TENM2: variants seen among roughly 807,000 people sequenced by gnomAD.
TENM2 encodes the protein teneurin-2.
In TENM2, 52 loss-of-function variants were observed where a neutral mutation model predicts 245.2. That is an observed-to-expected ratio of 0.21 (90% confidence interval 0.17 to 0.27). TENM2 has a LOEUF of 0.27. TENM2 is among the 10% of genes least tolerant of loss of function. The pLI is 1.00. For missense variants in TENM2, 3,046 were observed against 3,666.8 expected (o/e 0.83, Z 4.37); for synonymous variants, 1,363 against 1,438.9 (o/e 0.95, Z 1.19).
intron 2 of TENM2, among the ~76,000 whole-genome samples, chr5:167,460,427 A>C (rs1003667962): frequency 1.3e-5 from 2 of 152,110 alleles, no homozygotes; most frequent in Non-Finnish European, 2.9e-5. Flanking sequence ...AATATTTTGA[A>C]TTGAGATGGG....
At chr5:167,610,358 T>C (rs1276700239) in intron 2 of TENM2, among the ~76,000 whole-genome samples, 6 of 152,132 alleles carry the variant, frequency 3.9e-5, no homozygotes, top group Non-Finnish European at 7.4e-5. Context: ...TTGGCCATTG[T>C]TGACCGACTC....
chr5:168,090,629 C>T (rs1792860658), exon 8 of TENM2: 6 of 1,613,040 alleles, frequency 3.7e-6, no homozygotes, highest in Non-Finnish European at 5.1e-6. Context: ...GTTGAGTCTC[C>T]CAGGGAACGC....
intron 7 of TENM2, among the ~76,000 whole-genome samples, chr5:168,081,587 T>A (rs1236321430): frequency 6.6e-6 from 1 of 152,214 alleles, no homozygotes; most frequent in Non-Finnish European, 1.5e-5. Context: ...CCTTTCCATG[T>A]TTAGTGCTTC....
At chr5:167,708,451 A>G (rs751659591) in intron 2 of TENM2, among the ~76,000 whole-genome samples, 4 of 152,140 alleles carry the variant, frequency 2.6e-5, no homozygotes, top group African/African-American at 4.8e-5. Context: ...CTGGACTACA[A>G]TTTCATCCTC....
intron 2 of TENM2, among the ~76,000 whole-genome samples, chr5:167,630,338 C>T (rs1778786164): frequency 6.6e-6 from 1 of 152,094 alleles, no homozygotes; most frequent in African/African-American, 2.4e-5. Flanking sequence ...TACTACCTGA[C>T]AGATGGGTGG....
intron 2 of TENM2, among the ~76,000 whole-genome samples, chr5:167,512,304 A>G (rs1308031737): frequency 6.6e-6 from 1 of 152,170 alleles, no homozygotes; most frequent in Non-Finnish European, 1.5e-5. Flanking sequence ...TTAGTCACTA[A>G]AAGAATTTGG....
chr5:167,292,526 G>A (rs1466788602), intron 1 of TENM2, among the ~76,000 whole-genome samples: 5 of 151,982 alleles, frequency 3.3e-5, no homozygotes, highest in South Asian at 2.1e-4. Context: ...CATTTCAATC[G>A]CCTCCTTCCC....
the TENM2 span, among the ~76,000 whole-genome samples, chr5:167,215,501 G>C: frequency 6.6e-6 from 1 of 152,178 alleles, no homozygotes; most frequent in Non-Finnish European, 1.5e-5. Flanking sequence ...AAAGAGGCAG[G>C]GAGCTCCCAG....
intron 12 of TENM2, among the ~76,000 whole-genome samples, chr5:168,153,932 G>A (rs1736007534): frequency 6.6e-6 from 1 of 152,028 alleles, no homozygotes; most frequent in South Asian, 2.1e-4. Context: ...TAGCAACACG[G>A]TGCTATTCAC....
chr5:167,177,370 G>C, the TENM2 span, among the ~76,000 whole-genome samples: 1 of 152,162 alleles, frequency 6.6e-6, no homozygotes, highest in Non-Finnish European at 1.5e-5. Flanking sequence ...TGACAATGCA[G>C]AAGGCCAGTT....
At chr5:167,165,453 C>G in the TENM2 span, 1 of 152,126 alleles carries the variant, frequency 6.6e-6, no homozygotes, top group Non-Finnish European at 1.5e-5. Flanking sequence ...TACACACGCT[C>G]CATTGGCTGA....
At chr5:167,318,421 G>A (rs902198349) in intron 1 of TENM2, among the ~76,000 whole-genome samples, 3 of 151,114 alleles carry the variant, frequency 2.0e-5, no homozygotes, top group African/African-American at 7.3e-5. Context: ...AATAGATGAA[G>A]TTGTTCATTT....
chr5:167,156,703 C>T, the TENM2 span, among the ~76,000 whole-genome samples: 15 of 152,092 alleles, frequency 9.9e-5, no homozygotes, highest in African/African-American at 2.4e-4. Flanking sequence ...GCCCTCACAC[C>T]GCACACTGAG....
chr5:167,060,953 CCCCAGACTT>C, the TENM2 span, among the ~76,000 whole-genome samples: 3 of 151,950 alleles, frequency 2.0e-5, no homozygotes, highest in Non-Finnish European at 2.9e-5. Flanking sequence ...CTGGTCTTTT[CCCCAGACTT>C]ACAGAATTAG....
intron 9 of TENM2, among the ~76,000 whole-genome samples, chr5:168,115,340 AAGGAAAGG>A (rs1794973062): frequency 7.5e-6 from 1 of 132,828 alleles, no homozygotes; most frequent in Non-Finnish European, 1.6e-5. Flanking sequence ...GAAGGGAAGG[AAGGAAAGG>A]AGGGAAGGAA....
chr5:167,469,411 A>C (rs1766868379), intron 2 of TENM2, among the ~76,000 whole-genome samples: 1 of 152,160 alleles, frequency 6.6e-6, no homozygotes, highest in African/African-American at 2.4e-5. Flanking sequence ...GTAAAGATTA[A>C]ATTAATGTTA....
chr5:168,243,602 T>C (rs933054884), intron 25 of TENM2, among the ~76,000 whole-genome samples: 1 of 152,212 alleles, frequency 6.6e-6, no homozygotes, highest in African/African-American at 2.4e-5. Flanking sequence ...GCACCTGTTC[T>C]TAAAGATCAT....
At chr5:167,181,865 G>A in the TENM2 span, among the ~76,000 whole-genome samples, 8 of 152,094 alleles carry the variant, frequency 5.3e-5, no homozygotes, top group Admixed American at 5.2e-4. Context: ...CATTTTGCCT[G>A]AAACCTCAGA....
chr5:168,124,455 G>A (rs1390721499), intron 10 of TENM2, among the ~76,000 whole-genome samples: 3 of 152,172 alleles, frequency 2.0e-5, no homozygotes, highest in South Asian at 2.1e-4. Context: ...CCAGTTTGAC[G>A]ACACATGTAG....
Sources: gnomAD v4.1 joint callset for allele counts (sites outside exome capture counted in the v4.1 genomes callset) on GRCh38, gnomAD v4.1.1 for gene constraint, MANE v1.5 for transcripts, NCBI Gene and HGNC (gene_info 2026-07-23, HGNC 2026-07-21) for gene names.